Variants in INPP4B observed in about 807,000 individuals in gnomAD.
The protein encoded by INPP4B is inositol polyphosphate-4-phosphatase type II B.
In INPP4B, 55 loss-of-function variants were observed where a neutral mutation model predicts 122.5. That is an observed-to-expected ratio of 0.45 (90% confidence interval 0.36 to 0.56). The LOEUF (loss-of-function observed/expected upper bound fraction) is 0.56. Ranked by LOEUF, INPP4B falls within the 20% of genes least tolerant of loss-of-function variation. The pLI is 0.00. For missense variants in INPP4B, 1,000 were observed against 1,097.7 expected (o/e 0.91, Z 1.26); for synonymous variants, 403 against 388.7 (o/e 1.04, Z -0.43).
chr4:142,419,556 G>C (rs751014855), intron 5 of INPP4B, among the ~76,000 whole-genome samples: 1 of 152,078 alleles, frequency 6.6e-6, no homozygotes, highest in Non-Finnish European at 1.5e-5. Flanking sequence ...TCTTCTACCA[G>C]AAATGCCACT....
At chr4:142,412,344 GT>G (rs1804787130) in intron 5 of INPP4B, among the ~76,000 whole-genome samples, 1 of 151,366 alleles carries the variant, frequency 6.6e-6, no homozygotes, top group Admixed American at 6.6e-5. Flanking sequence ...GCCTTTTTTT[GT>G]TTTTTATTCT....
chr4:142,369,733 C>G lies in INPP4B; in HGVS notation c.372+33205G>C, dbSNP rs976082247. On this transcript the variant is annotated intron_variant, in intron 7 of 25. Transcript: ENST00000262992. ...CCTGAGGTTAGGAGTTCGAGACCGG[C>G]CGGGCCAACATGGTGAAACCCCGTC... Among the ~76,000 whole-genome samples the G allele has an allele frequency of 5.9e-5, 9 of 151,826 alleles. No individual in the cohort carries two copies. The East Asian group carries it at 1.7e-3, about 29-fold the overall frequency.
intron 9 of INPP4B, among the ~76,000 whole-genome samples, chr4:142,284,493 A>G (rs1435851104): frequency 6.6e-6 from 1 of 152,152 alleles, no homozygotes; most frequent in Admixed American, 6.5e-5. Context: ...AAATTGTCAA[A>G]TTTTCCTTCT....
intron 2 of INPP4B, among the ~76,000 whole-genome samples, chr4:142,584,883 C>T (rs1049004763): frequency 6.6e-6 from 1 of 152,044 alleles, no homozygotes; most frequent in Non-Finnish European, 1.5e-5. Flanking sequence ...AGCTACTCTC[C>T]CACGTTTATT....
At position 142,060,064 on chromosome 4, in the gene INPP4B, G is replaced by A. The variant is rs553994269; in HGVS notation, c.2642+21967C>T. Reference sequence around the variant, plus strand: ...TAGAATGGCTACTTGCTATACATACGTGACTGATTTTTGGTTTTGCACCTT... The same window carrying A: ...TAGAATGGCTACTTGCTATACATACATGACTGATTTTTGGTTTTGCACCTT... On this transcript the variant is annotated intron_variant, in intron 25 of 25. Coordinates refer to ENST00000262992, the MANE Select transcript of INPP4B (RefSeq NM_001101669.3). 7.6e-4 allele frequency among the ~76,000 whole-genome samples: 115 copies of A among 152,180 alleles called. 1 individual carries two copies. The highest frequency in any genetic ancestry group is 2.6e-3 in the African/African-American group (108 of 41,544).
intron 1 of INPP4B, among the ~76,000 whole-genome samples, chr4:142,796,778 T>C (rs969547834): frequency 2.6e-5 from 4 of 151,840 alleles, no homozygotes; most frequent in African/African-American, 9.7e-5. Context: ...TCATTCACCC[T>C]AGAACATCGG....
intron 25 of INPP4B, among the ~76,000 whole-genome samples, chr4:142,068,351 C>A (rs1181657986): frequency 1.3e-5 from 2 of 152,282 alleles, no homozygotes; most frequent in South Asian, 2.1e-4. Context: ...TGAAAAGGAA[C>A]AATCAGTACC....
At chr4:142,606,175 C>G (rs972823556) in intron 2 of INPP4B, among the ~76,000 whole-genome samples, 2 of 151,674 alleles carry the variant, frequency 1.3e-5, no homozygotes, top group South Asian at 2.1e-4. Context: ...ATTCTCATTC[C>G]TTTGTGGGCA....
chr4:142,794,811 A>C (rs1415559887), intron 1 of INPP4B, among the ~76,000 whole-genome samples: 1 of 151,942 alleles, frequency 6.6e-6, no homozygotes, highest in African/African-American at 2.4e-5. Flanking sequence ...AAACCCCAAA[A>C]TTTGGGCAAT....
intron 2 of INPP4B, among the ~76,000 whole-genome samples, chr4:142,667,664 T>C (rs1437324459): frequency 6.6e-6 from 1 of 152,184 alleles, no homozygotes; most frequent in African/African-American, 2.4e-5. Flanking sequence ...CAGCCCTTGC[T>C]AATTGGATCT....
At chr4:142,325,243 G>A in intron 7 of INPP4B, among the ~76,000 whole-genome samples, 1 of 152,166 alleles carries the variant, frequency 6.6e-6, no homozygotes, top group East Asian at 1.9e-4. Context: ...TTATTGGTAA[G>A]CTAAGAAATC....
rs1013309853 is a variant in INPP4B at position 142,470,555 on chromosome 4, A to G, written c.-190-7829T>C. ...ATTCTCACCATATGTGGTTAGCACA[A>G]GATGCTCATTTCAGGCACATCCTAT... On this transcript the variant is annotated intron_variant, in intron 2 of 25. Coordinates refer to ENST00000262992, the MANE Select transcript of INPP4B (RefSeq NM_001101669.3). Among the ~76,000 whole-genome samples the G allele has an allele frequency of 2.1e-4, 32 of 152,318 alleles. 1 individual carries two copies. Among genetic ancestry groups the G allele is most frequent in the African/African-American group, 6.7e-4 (28 of 41,584 alleles).
chr4:142,698,792 C>T (rs1426959534), intron 2 of INPP4B, among the ~76,000 whole-genome samples: 1 of 152,192 alleles, frequency 6.6e-6, no homozygotes, highest in African/African-American at 2.4e-5. Flanking sequence ...TATGCATATC[C>T]GTGTTCTTAG....
In INPP4B at chr4:142,530,444, C is replaced by G. The variant is rs951437184; in HGVS notation, c.-190-67718G>C. Among the ~76,000 whole-genome samples the G allele has an allele frequency of 1.4e-4, 21 of 151,580 alleles. No homozygotes were observed. The South Asian group carries it at 1.9e-3, about 14-fold the overall frequency. Reference sequence around the variant, plus strand: ...CTGAGCTGAATGAAAAGTTGAAGTCCCAATTGTCATAGAGCTTACATTTCA... The same window carrying G: ...CTGAGCTGAATGAAAAGTTGAAGTCGCAATTGTCATAGAGCTTACATTTCA... On this transcript the variant is annotated intron_variant, in intron 2 of 25. Coordinates refer to ENST00000262992, the MANE Select transcript of INPP4B (RefSeq NM_001101669.3).
chr4:142,109,141 T>G (rs200031825), intron 22 of INPP4B, among the ~76,000 whole-genome samples: 1 of 37,184 alleles, frequency 2.7e-5, no homozygotes, highest in African/African-American at 4.1e-5. Context: ...TAACCCTTCC[T>G]TTTTTTTTTT....
intron 17 of INPP4B, among the ~76,000 whole-genome samples, chr4:142,157,800 C>CAT (rs111466718): frequency 0.11 from 17,357 of 152,126 alleles, 1,578 homozygotes; most frequent in African/African-American, 0.25. Context: ...AAATTTTTCA[C>CAT]GTTACTCATT....
At chr4:142,519,703 A>G (rs1825841712) in intron 2 of INPP4B, among the ~76,000 whole-genome samples, 1 of 152,136 alleles carries the variant, frequency 6.6e-6, no homozygotes. Flanking sequence ...TACCAGAAGC[A>G]CTCAAAGCAC....
chr4:142,711,931 C>T (rs1763171674), intron 2 of INPP4B, among the ~76,000 whole-genome samples: 2 of 152,070 alleles, frequency 1.3e-5, no homozygotes, highest in Non-Finnish European at 2.9e-5. Context: ...GACTGTAGTT[C>T]CAGTTACTCA....
At chr4:142,798,021 T>C (rs193198633) in intron 1 of INPP4B, among the ~76,000 whole-genome samples, 2 of 151,952 alleles carry the variant, frequency 1.3e-5, no homozygotes, top group African/African-American at 2.4e-5. Context: ...TTGATTTCAA[T>C]AGGGACAGAA....
Sources: allele counts gnomAD v4.1 joint callset (sites outside exome capture counted in the v4.1 genomes callset), GRCh38; gene constraint gnomAD v4.1.1; transcripts MANE v1.5; gene names NCBI Gene and HGNC (gene_info 2026-07-23, HGNC 2026-07-21).